NAALADL2: variants seen among roughly 807,000 people sequenced by gnomAD.
NAALADL2 encodes the protein inactive N-acetylated-alpha-linked acidic dipeptidase-like protein 2.
In NAALADL2, 76 loss-of-function variants were observed where a neutral mutation model predicts 87.2. That is an observed-to-expected ratio of 0.87 (90% CI 0.72 to 1.05). The LOEUF (loss-of-function observed/expected upper bound fraction) is 1.05. Among genes scored for constraint, NAALADL2 ranks in the 50% least tolerant of loss-of-function variants. NAALADL2 has a pLI of 0.00. For synonymous variants in NAALADL2, 354 were observed against 331.0 expected (o/e 1.07, Z -0.75); for missense variants, 1,089 against 945.8 (o/e 1.15, Z -1.99).
At chr3:175,663,532 GTTTTCAGTCTGAATTTCATTTATT>G (rs1695373031) in intron 11 of NAALADL2, among the ~76,000 whole-genome samples, 2 of 150,356 alleles carry the variant, frequency 1.3e-5, no homozygotes, top group African/African-American at 4.9e-5. Context: ...TTTCTAATTT[GTTTTCAGTCTGAATTTCATTTATT>G]TCTACTTTGA....
At chr3:174,896,046 C>T (rs562696600) in intron 1 of NAALADL2, among the ~76,000 whole-genome samples, 1 of 152,056 alleles carries the variant, frequency 6.6e-6, no homozygotes, top group East Asian at 1.9e-4. Context: ...CATACCTTAA[C>T]ATAATAAAAG....
chr3:175,038,652 A>C lies in NAALADL2; in HGVS notation c.44-58138A>C, dbSNP rs1276782197. ...AATGAACTTTACATCAACAATGCGT[A>C]ACTTGAAGTATACATCAGAGGCTCT... On this transcript the variant is annotated intron_variant, in intron 1 of 13. Transcript: ENST00000454872. 2.0e-5 allele frequency among the ~76,000 whole-genome samples: 3 copies of C among 152,180 alleles called. No individual in the cohort carries two copies. In the East Asian group the frequency reaches 5.8e-4, roughly 29 times the overall value.
At chr3:174,594,510 A>G (rs963285537) in intron 2 of NAALADL2, among the ~76,000 whole-genome samples, 2 of 152,178 alleles carry the variant, frequency 1.3e-5, no homozygotes, top group Non-Finnish European at 2.9e-5. Context: ...TACTTTACAT[A>G]TGTCATAAAG....
chr3:175,156,315 T>C (rs62283012), intron 2 of NAALADL2, among the ~76,000 whole-genome samples: 54,794 of 151,804 alleles, frequency 0.36, 11,225 homozygotes, highest in East Asian at 0.56. Context: ...CAGACAAATC[T>C]TTAGATAAAT....
intron 3 of NAALADL2, among the ~76,000 whole-genome samples, chr3:174,787,490 C>G (rs530163331): frequency 6.8e-6 from 1 of 146,018 alleles, no homozygotes; most frequent in African/African-American, 2.5e-5. Context: ...CAGGAATAAG[C>G]CATGTTTTCT....
At chr3:175,790,702 A>G (rs901659788) in intron 13 of NAALADL2, among the ~76,000 whole-genome samples, 6 of 152,136 alleles carry the variant, frequency 3.9e-5, no homozygotes, top group Admixed American at 6.6e-5. Flanking sequence ...CCCCTTATTA[A>G]TAATCTTTTC....
At chr3:175,571,652 G>T (rs984500570) in intron 9 of NAALADL2, among the ~76,000 whole-genome samples, 2 of 152,044 alleles carry the variant, frequency 1.3e-5, no homozygotes, top group Non-Finnish European at 2.9e-5. Flanking sequence ...ATTGAATATA[G>T]ATTTACAATC....
intron 9 of NAALADL2, among the ~76,000 whole-genome samples, chr3:175,473,984 G>C (rs370435065): frequency 1.3e-5 from 2 of 152,156 alleles, no homozygotes; most frequent in Admixed American, 1.3e-4. Context: ...TCTCCATACT[G>C]TTTTCCCTAG....
At chr3:175,129,184 A>G (rs1271910449) in intron 2 of NAALADL2, among the ~76,000 whole-genome samples, 1 of 151,704 alleles carries the variant, frequency 6.6e-6, no homozygotes, top group Non-Finnish European at 1.5e-5. Flanking sequence ...GCTTCATGTG[A>G]TCTTCCTGTC....
At chr3:175,156,143 A>T (rs930116106) in intron 2 of NAALADL2, among the ~76,000 whole-genome samples, 4 of 152,264 alleles carry the variant, frequency 2.6e-5, no homozygotes, top group African/African-American at 9.6e-5. Flanking sequence ...TAGACTAAGG[A>T]TTCTTATTTT....
At chr3:175,292,313 G>C (rs190721804) in intron 4 of NAALADL2, among the ~76,000 whole-genome samples, 1 of 152,208 alleles carries the variant, frequency 6.6e-6, no homozygotes, top group East Asian at 1.9e-4. Context: ...AAGTCTTCGA[G>C]GACTACTTTG....
At chr3:174,553,398 A>G (rs974599490) in intron 2 of NAALADL2, among the ~76,000 whole-genome samples, 16 of 152,176 alleles carry the variant, frequency 1.1e-4, no homozygotes, top group Admixed American at 1.0e-3. Flanking sequence ...TATAAGCTTA[A>G]GCTATGCAAA....
chr3:174,446,347 CAT>C (rs1468345842), intron 1 of NAALADL2, among the ~76,000 whole-genome samples: 11 of 152,116 alleles, frequency 7.2e-5, no homozygotes, highest in African/African-American at 4.8e-5. Flanking sequence ...TATAATATCA[CAT>C]GTGAATTTTT....
intron 5 of NAALADL2, among the ~76,000 whole-genome samples, chr3:175,339,552 C>G (rs1762371259): frequency 6.6e-6 from 1 of 152,160 alleles, no homozygotes; most frequent in Non-Finnish European, 1.5e-5. Context: ...CTTTGTGCAT[C>G]TAGCTTGATA....
chr3:174,991,577 A>G (rs1399470754), intron 1 of NAALADL2, among the ~76,000 whole-genome samples: 1 of 152,124 alleles, frequency 6.6e-6, no homozygotes, highest in South Asian at 2.1e-4. Flanking sequence ...TCATCGCCCT[A>G]TGTACAGAAC....
At chr3:174,987,722 G>A (rs1008393845) in intron 1 of NAALADL2, among the ~76,000 whole-genome samples, 12 of 146,842 alleles carry the variant, frequency 8.2e-5, no homozygotes, top group African/African-American at 3.0e-4. Flanking sequence ...GAACTCCTGG[G>A]CTCAAGTGAT....
intron 1 of NAALADL2, among the ~76,000 whole-genome samples, chr3:174,534,472 T>C (rs1228802097): frequency 2.0e-5 from 3 of 152,226 alleles, no homozygotes; most frequent in African/African-American, 7.2e-5. Context: ...GTTTCTATCA[T>C]TCTTCTCTGC....
intron 3 of NAALADL2, among the ~76,000 whole-genome samples, chr3:174,822,184 G>T (rs1047603918): frequency 1.3e-5 from 2 of 151,964 alleles, no homozygotes; most frequent in Non-Finnish European, 2.9e-5. Flanking sequence ...CGGAGGGAGA[G>T]GGGGAGAGAG....
intron 2 of NAALADL2, among the ~76,000 whole-genome samples, chr3:174,682,110 C>T (rs1458056578): frequency 1.3e-5 from 2 of 152,178 alleles, no homozygotes; most frequent in Non-Finnish European, 2.9e-5. Context: ...GATGCCTTCC[C>T]TCTGCCTGGA....
Sources: gnomAD v4.1 joint callset for allele counts (sites outside exome capture counted in the v4.1 genomes callset) on GRCh38, gnomAD v4.1.1 for gene constraint, MANE v1.5 for transcripts, NCBI Gene and HGNC (gene_info 2026-07-23, HGNC 2026-07-21) for gene names.